Variants in NINL observed in about 807,000 individuals in gnomAD.
The protein encoded by NINL is ninein-like protein.
NINL carries 153 observed loss-of-function variants against 160.3 expected under a neutral mutation model. The ratio of observed to expected loss-of-function variants is 0.95; its 90% CI spans 0.84 to 1.09. The LOEUF (loss-of-function observed/expected upper bound fraction) is 1.09. Among genes scored for constraint, NINL ranks in the 50% least tolerant of loss-of-function variants. The pLI is 0.00. For synonymous variants in NINL, 800 were observed against 734.8 expected (o/e 1.09, Z -1.43); for missense variants, 1,829 against 1,764.0 (o/e 1.04, Z -0.66).
chr20:25,499,131 G>A, intron 8 of NINL: 2 of 985,450 alleles, frequency 2.0e-6, no homozygotes, highest in African/African-American at 1.7e-5. Context: ...AGTCTCCTGT[G>A]AAGTAGGGGC....
chr20:25,503,792 C>T (rs894519277), intron 7 of NINL, among the ~76,000 whole-genome samples, 160 bp downstream of exon 7: 8 of 152,242 alleles, frequency 5.3e-5, no homozygotes, highest in South Asian at 2.1e-4. Flanking sequence ...CCAGAATCTA[C>T]GTCACGTGGC....
chr20:25,551,221 A>G (rs1258097171), intron 1 of NINL, among the ~76,000 whole-genome samples: 1 of 152,228 alleles, frequency 6.6e-6, no homozygotes, highest in Non-Finnish European at 1.5e-5. Context: ...ACAGATTAAC[A>G]GCATCTCAAG....
chr20:25,581,462 C>T (rs2065175122), intron 1 of NINL, among the ~76,000 whole-genome samples: 2 of 121,806 alleles, frequency 1.6e-5, no homozygotes, highest in Non-Finnish European at 3.6e-5. Flanking sequence ...AAAAAAAAAT[C>T]CAAAGGTAAA....
At chr20:25,524,084 G>A (rs570633219) in intron 2 of NINL, among the ~76,000 whole-genome samples, 5 of 152,250 alleles carry the variant, frequency 3.3e-5, no homozygotes, top group South Asian at 4.1e-4. Context: ...ACTTGATACC[G>A]CTTCCCTTAA....
intron 1 of NINL, among the ~76,000 whole-genome samples, chr20:25,576,060 A>C (rs2065111367): frequency 6.6e-6 from 1 of 152,160 alleles, no homozygotes; most frequent in Admixed American, 6.5e-5. Context: ...TATACAATCC[A>C]CCATTCAGAT....
intron 1 of NINL, among the ~76,000 whole-genome samples, chr20:25,554,173 G>A (rs565091818): frequency 6.6e-6 from 1 of 152,286 alleles, no homozygotes; most frequent in African/African-American, 2.4e-5. Context: ...GCAACAAGGA[G>A]CAGAAGCTAA....
rs191509267 is a variant in NINL, at chr20:25,567,116, T to A, written c.-12+18339A>T. Among the ~76,000 whole-genome samples the A allele has an allele frequency of 2.1e-3, 321 of 152,112 alleles. 5 individuals carry two copies. Among genetic ancestry groups the A allele is most frequent in the Admixed American group, 0.02 (308 of 15,252 alleles). On this transcript the variant is annotated intron_variant, in intron 1 of 23. Coordinates refer to ENST00000278886, the MANE Select transcript of NINL (RefSeq NM_025176.6). Reference sequence around the variant, plus strand: ...GTGAGACCCTGTCTCAAAAAAAAAATTTTCTTTTAAAACAATACCTTTGAT... The same window carrying A: ...GTGAGACCCTGTCTCAAAAAAAAAAATTTCTTTTAAAACAATACCTTTGAT...
intron 11 of NINL, 124 bp downstream of exon 11, chr20:25,491,227 G>A (rs2146687466): frequency 1.6e-6 from 2 of 1,225,726 alleles, no homozygotes; most frequent in Admixed American, 2.3e-5. Flanking sequence ...CTCGGGCCCT[G>A]CCCTGAAACA....
At chr20:25,551,409 A>G (rs2064806502) in intron 1 of NINL, among the ~76,000 whole-genome samples, 1 of 152,182 alleles carries the variant, frequency 6.6e-6, no homozygotes, top group Admixed American at 6.5e-5. Flanking sequence ...GAAAAGATAG[A>G]AAAGAAAATA....
At chr20:25,509,812 T>C (rs930194447) in intron 5 of NINL, 9 of 417,746 alleles carry the variant, frequency 2.2e-5, no homozygotes, top group African/African-American at 1.7e-4. Context: ...ATTAATATAT[T>C]TGTTTGCTTT....
chr20:25,512,808 T>C, intron 4 of NINL, 26 bp downstream of exon 4: 1 of 1,585,850 alleles, frequency 6.3e-7, no homozygotes, highest in South Asian at 1.1e-5. Context: ...ACTGGGCAGC[T>C]GGGGTGGGAG....
At chr20:25,566,843 A>C (rs529949246) in intron 1 of NINL, among the ~76,000 whole-genome samples, 1 of 152,206 alleles carries the variant, frequency 6.6e-6, no homozygotes, top group African/African-American at 2.4e-5. Context: ...AAACAAAGCA[A>C]CACCATTGTA....
intron 21 of NINL, among the ~76,000 whole-genome samples, chr20:25,459,844 C>T (rs961079165): frequency 1.3e-5 from 2 of 152,138 alleles, no homozygotes; most frequent in Admixed American, 6.5e-5. Context: ...CTTGGCAACG[C>T]GAGACGGGCC....
intron 1 of NINL, among the ~76,000 whole-genome samples, chr20:25,571,588 C>G (rs2065055038): frequency 6.6e-6 from 1 of 152,162 alleles, no homozygotes; most frequent in South Asian, 2.1e-4. Context: ...TTGCTTTAGG[C>G]TGGACACAGT....
Position 25,496,651 on chromosome 20 carries a change from C to A in NINL, c.1310+12G>T, listed in dbSNP as rs770605427. The A allele has an allele frequency of 1.9e-6, 3 of 1,603,752 alleles. No homozygotes were observed. The highest frequency in any genetic ancestry group is 2.5e-6 in the Non-Finnish European group (3 of 1,178,484). On this transcript the variant is annotated intron_variant, in intron 10 of 23. Transcript: ENST00000278886. ...CCCAGGTAAGAATCCACCACCTGGG[C>A]CCAGAACCCACTTGATTTTCTTCTC...
At chr20:25,517,076 C>T (rs574922432) in intron 3 of NINL, among the ~76,000 whole-genome samples, 1 of 152,234 alleles carries the variant, frequency 6.6e-6, no homozygotes, top group South Asian at 2.1e-4. Context: ...CATACGCTCA[C>T]ACAGAAAACC....
chr20:25,476,761 G>C lies in NINL; in HGVS notation c.2530C>G (p.Arg844Gly). 1 of 1,610,168 alleles carries C rather than the reference G, an allele frequency of 6.2e-7. No homozygotes were observed. The highest frequency in any genetic ancestry group is 1.1e-5 in the South Asian group (1 of 91,058). The change falls in exon 17 of 24, where the codon CGT (arginine) becomes GGT (glycine). Residue 844 changes from arginine to glycine, a missense_variant. Physicochemically the swap from Arg to Gly is moderately radical, Grantham distance 125. Transcript: ENST00000278886. ...CCCGGACGCAGTGGTAGGAGGCCACGTGTGCCCTCCTGGCCACTTCCTGCC... is the reference window on the plus strand; with the variant it reads ...CCCGGACGCAGTGGTAGGAGGCCACCTGTGCCCTCCTGGCCACTTCCTGCC... Reference protein sequence around the residue: ...LVAGSGQEGTRGLLPLRPGCG... With the variant: ...LVAGSGQEGTGGLLPLRPGCG...
chr20:25,554,954 A>C (rs1431611727), intron 1 of NINL, among the ~76,000 whole-genome samples: 1 of 152,154 alleles, frequency 6.6e-6, no homozygotes, highest in Non-Finnish European at 1.5e-5. Context: ...ATTGTGTGCC[A>C]ATATATTTAA....
Position 25,458,292 on chromosome 20 carries a change from G to C in NINL, c.3843+91C>G, listed in dbSNP as rs454723. 678,264 of 1,504,394 alleles carry C rather than the reference G, an allele frequency of 0.45. 159,665 individuals carry two copies. The highest frequency in any genetic ancestry group is 0.92 in the East Asian group (40,734 of 44,448). 93.2% of individuals were successfully genotyped at this position (1,504,394 alleles called of 1,614,324 possible). On this transcript the variant is annotated intron_variant, in intron 22 of 23. Transcript: ENST00000278886. ...TACATACGTGACTCATGTATTCACAGTTGTGCAGCTTCTGGGTAACTGAGG... is the reference window on the plus strand; with the variant it reads ...TACATACGTGACTCATGTATTCACACTTGTGCAGCTTCTGGGTAACTGAGG...
Sources: gnomAD v4.1 joint callset for allele counts (sites outside exome capture counted in the v4.1 genomes callset) on GRCh38, gnomAD v4.1.1 for gene constraint, MANE v1.5 for transcripts, NCBI Gene and HGNC (gene_info 2026-07-23, HGNC 2026-07-21) for gene names.